SLC30A10: variants seen among roughly 807,000 people sequenced by gnomAD.
SLC30A10 encodes the protein calcium/manganese antiporter SLC30A10.
In SLC30A10, 8 loss-of-function variants were observed where a neutral mutation model predicts 21.7. That is an observed-to-expected ratio of 0.37 (90% CI 0.22 to 0.67). The LOEUF (loss-of-function observed/expected upper bound fraction) is 0.67. Ranked by LOEUF, SLC30A10 falls within the 30% of genes least tolerant of loss-of-function variation. The pLI is 0.58. For missense variants in SLC30A10, 521 were observed against 642.5 expected (o/e 0.81, Z 2.04); for synonymous variants, 272 against 279.4 (o/e 0.97, Z 0.26).
intron 2 of SLC30A10, among the ~76,000 whole-genome samples, chr1:219,926,472 G>GCTTCCGACCTTCCGAC (rs60428807): frequency 6.6e-6 from 1 of 151,912 alleles, no homozygotes; most frequent in African/African-American, 2.4e-5. Flanking sequence ...TTAGTCCAGT[G>GCTTCCGACCTTCCGAC]CTTCCGACCT....
intron 2 of SLC30A10, among the ~76,000 whole-genome samples, chr1:219,922,854 T>C (rs1396877903): frequency 6.6e-6 from 1 of 152,006 alleles, no homozygotes; most frequent in Non-Finnish European, 1.5e-5. Flanking sequence ...ATCTCCATTA[T>C]ATAGATGACG....
upstream of SLC30A10, among the ~76,000 whole-genome samples, chr1:219,931,332 G>A (rs558739383): frequency 2.6e-5 from 4 of 152,206 alleles, no homozygotes; most frequent in Non-Finnish European, 5.9e-5. Context: ...GGCAGAGGCA[G>A]CCTGCCTGGG....
chr1:219,912,725 T>TC lies in SLC30A10; in HGVS notation c.*2723dup, dbSNP rs34202906. Among the ~76,000 whole-genome samples, 47,606 of 151,618 alleles carry TC rather than the reference T, an allele frequency of 0.31. 8,190 individuals are homozygous for TC. Among genetic ancestry groups the TC allele is most frequent in the East Asian group, 0.4 (2,074 of 5,122 alleles). ...GGCGAGCACCTGTAATCCCAGCTACTCGGGAGGCTGAGGCAGGAGAATGGC... is the reference window on the plus strand; with the variant it reads ...GGCGAGCACCTGTAATCCCAGCTACTCCGGGAGGCTGAGGCAGGAGAATGGC... On this transcript the variant is annotated 3_prime_UTR_variant, in exon 4 of 4. Transcript: ENST00000366926.
intron 2 of SLC30A10, among the ~76,000 whole-genome samples, chr1:219,925,001 C>A (rs757763416): frequency 1.5e-4 from 23 of 152,186 alleles, no homozygotes; most frequent in Non-Finnish European, 2.9e-4. Flanking sequence ...CTATTCACCT[C>A]TATCAGAAGC....
chr1:219,953,783 T>A (rs1558262058), intron 1 of SLC30A10, among the ~76,000 whole-genome samples: 1 of 151,740 alleles, frequency 6.6e-6, no homozygotes, highest in South Asian at 2.1e-4. Flanking sequence ...CTCGGCTCAC[T>A]GCAAGCTCCA....
In SLC30A10 at chr1:219,913,628, A is replaced by G. The variant is rs1659464702; in HGVS notation, c.*1821T>C. ...TGTGTGAGTACATGCCACACTTTTAATACTAAAAATAGAAATTCTTACTTA... is the reference window on the plus strand; with the variant it reads ...TGTGTGAGTACATGCCACACTTTTAGTACTAAAAATAGAAATTCTTACTTA... On this transcript the variant is annotated 3_prime_UTR_variant, in exon 4 of 4. Coordinates refer to ENST00000366926, the MANE Select transcript of SLC30A10 (RefSeq NM_018713.3). 1 of 152,236 alleles carries G rather than the reference A, an allele frequency of 6.6e-6. No homozygotes were observed. Among genetic ancestry groups the G allele is most frequent in the South Asian group, 2.1e-4 (1 of 4,832 alleles). The allele number at this position is 152,236 out of a possible 1,614,324, so 9.4% of individuals were successfully genotyped here. A position where few individuals can be genotyped will look rare whatever the true frequency, so the allele number is the denominator to read the frequency against.
In SLC30A10 at chr1:219,912,727, G is replaced by A. The variant is rs1320316731; in HGVS notation, c.*2722C>T. On this transcript the variant is annotated 3_prime_UTR_variant, in exon 4 of 4. Transcript: ENST00000366926. ...CGAGCACCTGTAATCCCAGCTACTCGGGAGGCTGAGGCAGGAGAATGGCGT... is the reference window on the plus strand; with the variant it reads ...CGAGCACCTGTAATCCCAGCTACTCAGGAGGCTGAGGCAGGAGAATGGCGT... 2.7e-5 allele frequency among the ~76,000 whole-genome samples: 4 copies of A among 149,100 alleles called. No homozygotes were observed. The highest frequency in any genetic ancestry group is 4.5e-5 in the Non-Finnish European group (3 of 66,744).
chr1:219,943,068 T>A (rs537874866), intron 1 of SLC30A10, among the ~76,000 whole-genome samples: 3 of 151,696 alleles, frequency 2.0e-5, no homozygotes, highest in Non-Finnish European at 2.9e-5. Flanking sequence ...AAAATAATCA[T>A]GAAATACACA....
intron 1 of SLC30A10, among the ~76,000 whole-genome samples, chr1:219,934,463 CAA>C (rs1041321819): frequency 7.8e-6 from 1 of 128,776 alleles, no homozygotes. Flanking sequence ...GACTCCATCT[CAA>C]AAAAAAAAAA....
At chr1:219,920,340 C>T (rs1478693849) in intron 2 of SLC30A10, among the ~76,000 whole-genome samples, 1 of 152,142 alleles carries the variant, frequency 6.6e-6, no homozygotes, top group East Asian at 1.9e-4. Context: ...CTTTAACTTG[C>T]TTCAGGACAG....
Position 219,928,133 on chromosome 1 carries a change from C to A in SLC30A10, c.308G>T (p.Arg103Leu). The stretch of plus-strand genomic sequence containing the variant: ...ATCGATGCGCTCGGGCCGGGCCAGG[C>A]GCAGCACGGCCTCCACGAAGATGGT... The part of the protein sequence containing the change: ...CFTIFVEAVL[R>L]LARPERIDDP... The change falls in exon 1 of 4, where the codon CGC becomes CTC. Residue 103 changes from arginine to leucine, a missense_variant. By Grantham distance (102) the Arg-to-Leu change is moderately radical. Transcript: ENST00000366926. This position sits in a 1 kb window ranked among gnomAD's most constrained non-coding sequence, Gnocchi z 6.3. 1 of 1,564,036 alleles carries A rather than the reference C, an allele frequency of 6.4e-7. No individual in the cohort carries two copies. The highest frequency in any genetic ancestry group is 8.7e-7 in the Non-Finnish European group (1 of 1,154,868).
rs1558247828 is a variant in SLC30A10 at position 219,912,229 on chromosome 1, C to A, written c.*3220G>T. On this transcript the variant is annotated 3_prime_UTR_variant, in exon 4 of 4. Transcript: ENST00000366926. Reference sequence around the variant, plus strand: ...ATATGGAGAATATTCTTAATTCTTCCTCAAATAATGTCTCCCTACTTTATT... The same window carrying A: ...ATATGGAGAATATTCTTAATTCTTCATCAAATAATGTCTCCCTACTTTATT... 6.7e-6 allele frequency among the ~76,000 whole-genome samples: 1 copy of A among 148,310 alleles called. No homozygotes were observed. Among genetic ancestry groups the A allele is most frequent in the East Asian group, 2.0e-4 (1 of 4,990 alleles).
At chr1:219,950,521 C>T (rs1466818208) in intron 1 of SLC30A10, among the ~76,000 whole-genome samples, 1 of 151,864 alleles carries the variant, frequency 6.6e-6, no homozygotes, top group East Asian at 1.9e-4. Context: ...TGCCTGTAGT[C>T]CCAGCTACTG....
chr1:219,942,693 A>G (rs140529659), intron 1 of SLC30A10, among the ~76,000 whole-genome samples: 77 of 152,386 alleles, frequency 5.1e-4, no homozygotes, highest in African/African-American at 1.7e-3. Flanking sequence ...TGTACCAACA[A>G]TCTATTCTTC....
intron 1 of SLC30A10, among the ~76,000 whole-genome samples, chr1:219,956,430 A>T (rs1571816893): frequency 7.0e-6 from 1 of 143,830 alleles, no homozygotes; most frequent in African/African-American, 2.6e-5. Context: ...TCACACGTGT[A>T]TTGTACCTAT....
At position 219,958,029 on chromosome 1, in the gene SLC30A10, A is replaced by AT. The variant is rs1391791592; in HGVS notation, n.80+538dup. Among the ~76,000 whole-genome samples the AT allele has an allele frequency of 2.0e-5, 3 of 152,128 alleles. No homozygotes were observed. The East Asian group carries it at 5.8e-4, about 29-fold the overall frequency. On this transcript the variant is annotated intron_variant and non_coding_transcript_variant, in intron 1 of 8. Transcript: ENST00000484239. ...GCCCATTTACTGGACTATCTTCTTT[A>AT]TTTTTTCTCTCGCCATTTTACATAC...
chr1:219,928,524 G>A lies in SLC30A10; in HGVS notation c.-84C>T. 7.8e-7 allele frequency: 1 copy of A among 1,279,904 alleles called. No homozygotes were observed. The highest frequency in any genetic ancestry group is 1.0e-6 in the Non-Finnish European group (1 of 979,936). 79.3% of individuals were successfully genotyped at this position (1,279,904 alleles called of 1,614,324 possible). ...CAGCCACAGGTGGGGGGCGCGGCGC[G>A]GATCCGTGAGGCCCGGTACCCGCCT... On this transcript the variant is annotated 5_prime_UTR_variant, in exon 1 of 4. Transcript: ENST00000366926. This position sits in a 1 kb window ranked among gnomAD's most constrained non-coding sequence, Gnocchi z 6.3.
intron 1 of SLC30A10, among the ~76,000 whole-genome samples, chr1:219,945,684 T>A (rs1660177768): frequency 6.6e-6 from 1 of 152,222 alleles, no homozygotes; most frequent in Non-Finnish European, 1.5e-5. Flanking sequence ...GAGATAATGT[T>A]TGAAAAATCT....
rs372800041 is a variant in SLC30A10 at position 219,949,377 on chromosome 1, A to T, written n.80+9191T>A. ...CAACCCAAATGTCCAACAATGATAG[A>T]CTGGATTAAGAAAATGTGGCACATG... On this transcript the variant is annotated intron_variant and non_coding_transcript_variant, in intron 1 of 8. Transcript: ENST00000484239. Among the ~76,000 whole-genome samples the T allele has an allele frequency of 2.8e-4, 42 of 152,306 alleles. No individual in the cohort carries two copies. In the East Asian group the frequency reaches 6.4e-3, roughly 23 times the overall value.
Sources: allele counts gnomAD v4.1 joint callset (sites outside exome capture counted in the v4.1 genomes callset), GRCh38; gene constraint gnomAD v4.1.1; non-coding constraint Gnocchi (gnomAD v3.1); transcripts MANE v1.5; gene names NCBI Gene and HGNC (gene_info 2026-07-23, HGNC 2026-07-21).